SPART: variants seen among roughly 807,000 people sequenced by gnomAD.
SPART encodes spastic paraplegia 20 (Troyer syndrome).
Under a neutral mutation model 58.7 loss-of-function variants are expected in SPART, and 35 were observed. The observed-to-expected ratio is 0.60, with a 90% CI of 0.46 to 0.79. The LOEUF (loss-of-function observed/expected upper bound fraction) is 0.79, where lower values mean the gene tolerates loss of function less well. Among genes scored for constraint, SPART ranks in the 30% least tolerant of loss-of-function variants. SPART has a pLI of 0.00. For synonymous variants in SPART, 284 were observed against 280.7 expected (o/e 1.01, Z -0.12); for missense variants, 730 against 786.1 (o/e 0.93, Z 0.85).
At chr13:36,335,919 G>A in intron 1 of SPART, 87 bp from the exon 2 acceptor site, 1 of 1,053,998 alleles carries the variant, frequency 9.5e-7, no homozygotes, top group Non-Finnish European at 1.5e-6. Flanking sequence ...ATTTTAAGAG[G>A]ACAAGTGCCT....
Position 36,319,002 on chromosome 13 carries a change from G to A in SPART, c.1289-4581C>T, listed in dbSNP as rs138419539. 8.8e-3 allele frequency among the ~76,000 whole-genome samples: 1,339 copies of A among 152,094 alleles called. 13 individuals carry two copies. The highest frequency in any genetic ancestry group is 0.015 in the Non-Finnish European group (1,043 of 68,002). ...AACTCTAACAGTGGAAGGTAAGCCC[G>A]TCCCCTTCTTAATCAATACGGAGGC... On this transcript the variant is annotated intron_variant, in intron 5 of 8. Coordinates refer to ENST00000438666, the MANE Select transcript of SPART (RefSeq NM_015087.5).
intron 1 of SPART, among the ~76,000 whole-genome samples, chr13:36,363,298 G>A (rs952562630): frequency 6.6e-6 from 1 of 152,032 alleles, no homozygotes; most frequent in African/African-American, 2.4e-5. Context: ...GGAATTAAAT[G>A]GAATTCTCTT....
chr13:36,355,003 G>A (rs1885568162), intron 1 of SPART, among the ~76,000 whole-genome samples: 1 of 152,166 alleles, frequency 6.6e-6, no homozygotes, highest in Admixed American at 6.5e-5. Context: ...GAGAGATAAA[G>A]TAAGTCTGCT....
intron 8 of SPART, among the ~76,000 whole-genome samples, chr13:36,306,144 C>G (rs1407983547): frequency 1.3e-5 from 2 of 152,162 alleles, no homozygotes; most frequent in South Asian, 2.1e-4. Context: ...CAAGTCTGTA[C>G]TACTCTTAAT....
Position 36,335,164 on chromosome 13 carries a change from A to G in SPART, c.667T>C (p.Leu223=). 6.2e-7 allele frequency: 1 copy of G among 1,614,178 alleles called. No individual in the cohort carries two copies. Among genetic ancestry groups the G allele is most frequent in the South Asian group, 1.1e-5 (1 of 91,082 alleles). The change falls in exon 2 of 9, where the codon TTG becomes CTG. Residue 223 remains leucine, a synonymous_variant. Coordinates refer to ENST00000438666, the MANE Select transcript of SPART (RefSeq NM_015087.5). ...TLGLDADELI[L]IPNGVQIFFV... ...AAAATCTGTACTCCATTTGGTATCAAAATCAATTCATCTGCATCCAGCCCT... is the reference window on the plus strand; with the variant it reads ...AAAATCTGTACTCCATTTGGTATCAGAATCAATTCATCTGCATCCAGCCCT...
intron 5 of SPART, among the ~76,000 whole-genome samples, chr13:36,322,834 T>C (rs1882555928): frequency 6.6e-6 from 1 of 152,236 alleles, no homozygotes; most frequent in Admixed American, 6.5e-5. Flanking sequence ...TTTGATGTTT[T>C]GTTCATTCTA....
At chr13:36,342,627 G>T (rs1165157253) in intron 1 of SPART, among the ~76,000 whole-genome samples, 2 of 152,110 alleles carry the variant, frequency 1.3e-5, no homozygotes, top group Non-Finnish European at 2.9e-5. Flanking sequence ...CATCCCGGTT[G>T]TGACAACCAA....
intron 5 of SPART, among the ~76,000 whole-genome samples, chr13:36,319,820 A>T (rs193253001): frequency 3.4e-5 from 5 of 148,434 alleles, no homozygotes; most frequent in Middle Eastern, 3.4e-3. Flanking sequence ...AGCTTCTCAG[A>T]CAGCCCCCAT....
chr13:36,366,776 C>T (rs1178304296), intron 1 of SPART, among the ~76,000 whole-genome samples: 1 of 141,218 alleles, frequency 7.1e-6, no homozygotes, highest in Non-Finnish European at 1.5e-5. Flanking sequence ...TAAAACCACC[C>T]TACGTGTATC....
At chr13:36,369,382 G>A (rs1329351070) in intron 1 of SPART, 1 of 152,072 alleles carries the variant, frequency 6.6e-6, no homozygotes, top group Non-Finnish European at 1.5e-5. Context: ...GTCTATGATG[G>A]CATTTAACAC....
At chr13:36,350,771 C>T (rs772743132), upstream of SPART, among the ~76,000 whole-genome samples, 2 of 152,106 alleles carry the variant, frequency 1.3e-5, no homozygotes, top group South Asian at 4.1e-4. Context: ...GGGGCTTTTA[C>T]CCCTGGGTAA....
At chr13:36,339,580 G>A (rs1385857099) in intron 1 of SPART, among the ~76,000 whole-genome samples, 5 of 119,854 alleles carry the variant, frequency 4.2e-5, no homozygotes, top group Non-Finnish European at 6.4e-5. Flanking sequence ...GCACTGAGCC[G>A]AGATCATGCC....
chr13:36,334,159 C>T lies in SPART; in HGVS notation c.810+862G>A, dbSNP rs116510903. Reference sequence around the variant, plus strand: ...ATGCAAACTCCTTTGTTATATTCAACGTATACTGAGTCCTCATTTCAAGAA... The same window carrying T: ...ATGCAAACTCCTTTGTTATATTCAATGTATACTGAGTCCTCATTTCAAGAA... On this transcript the variant is annotated intron_variant, in intron 2 of 8. Coordinates refer to ENST00000438666, the MANE Select transcript of SPART (RefSeq NM_015087.5). Among the ~76,000 whole-genome samples the T allele has an allele frequency of 2.7e-3, 407 of 152,280 alleles. 3 individuals are homozygous for T. The highest frequency in any genetic ancestry group is 9.3e-3 in the African/African-American group (385 of 41,576).
intron 1 of SPART, among the ~76,000 whole-genome samples, chr13:36,339,846 C>A (rs1183896114): frequency 6.6e-6 from 1 of 151,886 alleles, no homozygotes; most frequent in Non-Finnish European, 1.5e-5. Flanking sequence ...ACAGGAGGAT[C>A]GCTTGAGTCC....
upstream of SPART, among the ~76,000 whole-genome samples, chr13:36,350,183 A>G (rs1295571834): frequency 3.3e-5 from 5 of 152,216 alleles, no homozygotes; most frequent in Admixed American, 2.0e-4. Flanking sequence ...AAATAATGGC[A>G]GTATCCAAAA....
Position 36,304,532 on chromosome 13 carries a change from T to A in SPART, c.1834A>T (p.Met612Leu). ...GTTTGTGTTGCAGTTTTCTTCACCA[T>A]TGCTTTGATACCAATGTTGTTAATA... ...YNINNIGIKA[M>L]VKKTATQTGH... The change falls in exon 9 of 9, where the codon ATG (methionine) becomes TTG (leucine). Residue 612 changes from methionine to leucine, a missense_variant. Coordinates refer to ENST00000438666, the MANE Select transcript of SPART (RefSeq NM_015087.5). 6.2e-7 allele frequency: 1 copy of A among 1,614,182 alleles called. No individual in the cohort carries two copies. The highest frequency in any genetic ancestry group is 8.5e-7 in the Non-Finnish European group (1 of 1,180,012).
chr13:36,331,613 G>T lies in SPART; in HGVS notation c.811-17C>A. Reference sequence around the variant, plus strand: ...GTCACAAACCTGAAAGGATTCATTAGAAGAAAAAAAATATACATATAAATA... The same window carrying T: ...GTCACAAACCTGAAAGGATTCATTATAAGAAAAAAAATATACATATAAATA... On this transcript the variant is annotated splice_polypyrimidine_tract_variant and intron_variant, in intron 2 of 8. Coordinates refer to ENST00000438666, the MANE Select transcript of SPART (RefSeq NM_015087.5). 2.5e-6 allele frequency: 4 copies of T among 1,570,300 alleles called. No individual in the cohort carries two copies. Among genetic ancestry groups the T allele is most frequent in the Non-Finnish European group, 3.5e-6 (4 of 1,146,182 alleles).
intron 1 of SPART, among the ~76,000 whole-genome samples, chr13:36,344,657 G>C (rs910936174): frequency 6.6e-6 from 1 of 152,108 alleles, no homozygotes; most frequent in Non-Finnish European, 1.5e-5. Flanking sequence ...ACAGAAATAA[G>C]GATTGGAGGA....
intron 2 of SPART, among the ~76,000 whole-genome samples, chr13:36,332,836 A>C (rs1395125138): frequency 6.6e-6 from 1 of 152,162 alleles, no homozygotes; most frequent in East Asian, 1.9e-4. Flanking sequence ...TTGAGTAGTT[A>C]TTTATTTTAA....
Sources: gnomAD v4.1 joint callset for allele counts (sites outside exome capture counted in the v4.1 genomes callset) on GRCh38, gnomAD v4.1.1 for gene constraint, MANE v1.5 for transcripts, NCBI Gene and HGNC (gene_info 2026-07-23, HGNC 2026-07-21) for gene names.